GRAMD1B: variants seen among roughly 807,000 people sequenced by gnomAD.
GRAMD1B encodes the protein protein Aster-B.
GRAMD1B carries 37 observed loss-of-function variants against 99.7 expected under a neutral mutation model. The ratio of observed to expected loss-of-function variants is 0.37; its 90% CI spans 0.29 to 0.49. The LOEUF is 0.49. Among genes scored for constraint, GRAMD1B ranks in the 20% least tolerant of loss-of-function variants. The pLI is 0.98. For synonymous variants in GRAMD1B, 427 were observed against 387.6 expected, an observed-to-expected ratio of 1.10 and a Z score of -1.19; for missense variants, 888 against 1,009.2, an observed-to-expected ratio of 0.88 and a Z score of 1.63.
chr11:123,571,618 T>TCGGGGTCC (rs1313184666), intron 2 of GRAMD1B, among the ~76,000 whole-genome samples: 1 of 152,040 alleles, frequency 6.6e-6, no homozygotes, highest in African/African-American at 2.4e-5. Flanking sequence ...ATGAATGACC[T>TCGGGGTCC]CCGGGTCCCC....
intron 1 of GRAMD1B, among the ~76,000 whole-genome samples, chr11:123,405,375 C>T (rs540350829): frequency 1.1e-3 from 172 of 152,264 alleles, no homozygotes; most frequent in African/African-American, 3.8e-3. Context: ...CCTCCCCCCT[C>T]GAAGGCTCCC....
chr11:123,453,306 G>C (rs1016544953), intron 1 of GRAMD1B, among the ~76,000 whole-genome samples: 2 of 151,542 alleles, frequency 1.3e-5, no homozygotes, highest in African/African-American at 2.4e-5. Flanking sequence ...AAGTATATAT[G>C]TATATGCAAG....
At chr11:123,601,939 G>A (rs938595010) in intron 8 of GRAMD1B, among the ~76,000 whole-genome samples, 9 of 152,230 alleles carry the variant, frequency 5.9e-5, no homozygotes, top group Admixed American at 5.2e-4. Context: ...GCCAGGTGGC[G>A]CTGGTCAGAG....
At chr11:123,598,819 T>C (rs947686538) in intron 7 of GRAMD1B, 13 of 1,154,700 alleles carry the variant, frequency 1.1e-5, no homozygotes, top group Middle Eastern at 4.1e-4. Flanking sequence ...GCCTGAATCT[T>C]CCCAGAAAGT....
intron 1 of GRAMD1B, among the ~76,000 whole-genome samples, chr11:123,432,379 A>T (rs901052001): frequency 6.6e-6 from 1 of 152,102 alleles, no homozygotes; most frequent in African/African-American, 2.4e-5. Flanking sequence ...CAACATGGCG[A>T]AACTCCATTT....
intron 1 of GRAMD1B, chr11:123,435,536 G>C: frequency 1.5e-6 from 1 of 680,790 alleles, no homozygotes; most frequent in South Asian, 1.5e-5. Flanking sequence ...TGGAACAAAT[G>C]GTAAAGACAG....
At chr11:123,612,955 T>A (rs1348876637) in intron 15 of GRAMD1B, 91 bp downstream of exon 15, 4 of 720,482 alleles carry the variant, frequency 5.6e-6, no homozygotes, top group African/African-American at 1.8e-5. Context: ...GTATTGAGAA[T>A]AGAGGCAGAG....
chr11:123,481,974 G>A (rs1488628932), intron 2 of GRAMD1B, among the ~76,000 whole-genome samples: 3 of 152,178 alleles, frequency 2.0e-5, no homozygotes, highest in African/African-American at 7.2e-5. Context: ...CCTCTGCTGA[G>A]AGGGGGTAGA....
At chr11:123,593,946 C>T (rs1193079231) in intron 4 of GRAMD1B, 136 bp from the exon 5 acceptor site, 4 of 652,780 alleles carry the variant, frequency 6.1e-6, no homozygotes, top group African/African-American at 3.6e-5. Context: ...CTCAGCCTGG[C>T]CTCCTAGGGT....
At chr11:123,612,181 C>T (rs1953691995) in intron 14 of GRAMD1B, among the ~76,000 whole-genome samples, 1 of 152,028 alleles carries the variant, frequency 6.6e-6, no homozygotes, top group Non-Finnish European at 1.5e-5. Context: ...CAACCTCCAC[C>T]TCAACCTCCC....
intron 17 of GRAMD1B, among the ~76,000 whole-genome samples, chr11:123,615,237 C>T (rs1954193202): frequency 6.6e-6 from 1 of 152,244 alleles, no homozygotes. Flanking sequence ...GTGCCAGGCA[C>T]TGGAACTGTG....
At chr11:123,394,577 T>C (rs1440891677) in intron 1 of GRAMD1B, among the ~76,000 whole-genome samples, 1 of 152,204 alleles carries the variant, frequency 6.6e-6, no homozygotes, top group Admixed American at 6.5e-5. Flanking sequence ...TCATTTTTCT[T>C]AGATAATTCT....
chr11:123,464,389 G>A (rs1056487518), intron 1 of GRAMD1B, among the ~76,000 whole-genome samples: 1 of 152,128 alleles, frequency 6.6e-6, no homozygotes, highest in Non-Finnish European at 1.5e-5. Flanking sequence ...ACTTGTAGAC[G>A]CCGATTGTGC....
intron 1 of GRAMD1B, among the ~76,000 whole-genome samples, chr11:123,406,234 A>G (rs1947851648): frequency 6.7e-6 from 1 of 149,154 alleles, no homozygotes; most frequent in South Asian, 2.1e-4. Context: ...TACAGGTGTG[A>G]GCTACTGTAC....
At chr11:123,472,717 G>A (rs745710968) in intron 1 of GRAMD1B, among the ~76,000 whole-genome samples, 5 of 152,130 alleles carry the variant, frequency 3.3e-5, no homozygotes, top group South Asian at 2.1e-4. Context: ...CAGGTGTGAC[G>A]TTTACATAGC....
chr11:123,373,598 A>G (rs1159711434), intron 1 of GRAMD1B, among the ~76,000 whole-genome samples: 2 of 152,234 alleles, frequency 1.3e-5, no homozygotes, highest in Middle Eastern at 3.2e-3. Context: ...GTGGAAGAGG[A>G]TAAAACATTC....
In GRAMD1B at chr11:123,606,191, A is replaced by G. The variant is rs1482481953; in HGVS notation, c.1324-418A>G. On this transcript the variant is annotated intron_variant, in intron 10 of 19. Coordinates refer to ENST00000635736, the MANE Select transcript of GRAMD1B (RefSeq NM_001387025.1). ...CTGAGGTTATCTTTAAAATGTAAAG[A>G]GTTGTATCGATTCCCTTCCAGGGCT... is the stretch of plus-strand genomic sequence containing the variant. 2.0e-5 allele frequency among the ~76,000 whole-genome samples: 3 copies of G among 152,232 alleles called. No individual in the cohort carries two copies. In the East Asian group the frequency reaches 5.8e-4, roughly 29 times the overall value.
rs1278253023 is a variant in GRAMD1B at position 123,585,630 on chromosome 11, G to T, written c.684+1298G>T. ...GGTTTCCTGGCCTGTGGCGTCAGAA[G>T]AGGGGAGGGGGATGAGTGCTGAGCT... On this transcript the variant is annotated intron_variant, in intron 4 of 19. Coordinates refer to ENST00000635736, the MANE Select transcript of GRAMD1B (RefSeq NM_001387025.1). Among the ~76,000 whole-genome samples, 8 of 152,202 alleles carry T rather than the reference G, an allele frequency of 5.3e-5. 1 individual carries two copies. The highest frequency in any genetic ancestry group is 3.3e-4 in the Admixed American group (5 of 15,282).
intron 1 of GRAMD1B, among the ~76,000 whole-genome samples, chr11:123,460,931 C>T (rs1181767079): frequency 6.6e-6 from 1 of 152,132 alleles, no homozygotes; most frequent in Non-Finnish European, 1.5e-5. Flanking sequence ...TCCTTGGGCG[C>T]CTCTTTCCTG....
Sources: gnomAD v4.1 joint callset for allele counts (sites outside exome capture counted in the v4.1 genomes callset) on GRCh38, gnomAD v4.1.1 for gene constraint, MANE v1.5 for transcripts, NCBI Gene and HGNC (gene_info 2026-07-23, HGNC 2026-07-21) for gene names.